SGCZ: variants seen among roughly 807,000 people sequenced by gnomAD.
SGCZ encodes the protein zeta-sarcoglycan.
SGCZ carries 40 observed loss-of-function variants against 41.3 expected under a neutral mutation model. The observed-to-expected ratio is 0.97, with a 90% CI of 0.75 to 1.26. The LOEUF is 1.26. Ranked by LOEUF, SGCZ falls within the 50% of genes most tolerant of loss-of-function variation. The pLI, the probability that SGCZ is intolerant of heterozygous loss-of-function variation, is 0.00. For missense variants in SGCZ, 552 were observed against 369.8 expected (o/e 1.49, Z -4.04); for synonymous variants, 206 against 137.5 (o/e 1.50, Z -3.49).
At chr8:14,684,492 G>T (rs1042550265) in intron 1 of SGCZ, among the ~76,000 whole-genome samples, 1 of 152,098 alleles carries the variant, frequency 6.6e-6, no homozygotes, top group Non-Finnish European at 1.5e-5. Context: ...GTAGTGAGTT[G>T]GCTCGTGCTC....
At chr8:14,501,115 T>C (rs1462144990) in intron 2 of SGCZ, among the ~76,000 whole-genome samples, 1 of 152,004 alleles carries the variant, frequency 6.6e-6, no homozygotes, top group Admixed American at 6.6e-5. Context: ...ATAGGTGACC[T>C]TGCCTTTTCC....
intron 1 of SGCZ, among the ~76,000 whole-genome samples, chr8:15,153,210 T>C (rs1799231962): frequency 6.6e-6 from 1 of 152,018 alleles, no homozygotes; most frequent in Admixed American, 6.6e-5. Flanking sequence ...CATCAGGGAT[T>C]AATTCTCTTG....
At chr8:14,755,840 G>A (rs1799647886) in intron 1 of SGCZ, among the ~76,000 whole-genome samples, 1 of 151,378 alleles carries the variant, frequency 6.6e-6, no homozygotes, top group East Asian at 2.0e-4. Context: ...GCCATATACA[G>A]GACATAGATA....
chr8:14,689,233 A>G (rs1808720573), intron 1 of SGCZ, among the ~76,000 whole-genome samples: 1 of 152,120 alleles, frequency 6.6e-6, no homozygotes, highest in African/African-American at 2.4e-5. Flanking sequence ...AAAAATCTAT[A>G]TAGCTTTTTT....
chr8:14,237,157 A>G (rs959757472), intron 4 of SGCZ, among the ~76,000 whole-genome samples: 1 of 152,118 alleles, frequency 6.6e-6, no homozygotes, highest in South Asian at 2.1e-4. Context: ...CTATGAAAAT[A>G]TTTCTTAGAA....
intron 1 of SGCZ, among the ~76,000 whole-genome samples, chr8:14,883,966 C>T (rs1804694475): frequency 6.6e-6 from 1 of 151,952 alleles, no homozygotes; most frequent in Admixed American, 6.6e-5. Context: ...TATCTCCTTA[C>T]TTATCATATA....
At chr8:14,478,328 A>C (rs1201931994) in intron 2 of SGCZ, among the ~76,000 whole-genome samples, 1 of 152,242 alleles carries the variant, frequency 6.6e-6, no homozygotes, top group Non-Finnish European at 1.5e-5. Context: ...ACACACTCAG[A>C]TAATGAAATA....
At chr8:15,050,317 T>A (rs1041435447) in intron 1 of SGCZ, among the ~76,000 whole-genome samples, 12 of 152,146 alleles carry the variant, frequency 7.9e-5, no homozygotes, top group African/African-American at 4.8e-5. Context: ...AACTTGTAGT[T>A]CAGAGGAGAG....
At chr8:14,525,627 T>G (rs991620682) in intron 2 of SGCZ, among the ~76,000 whole-genome samples, 1 of 152,096 alleles carries the variant, frequency 6.6e-6, no homozygotes, top group African/African-American at 2.4e-5. Flanking sequence ...CTTCTTGACC[T>G]AGTCACATCA....
At chr8:14,227,070 A>C (rs1001577189) in intron 4 of SGCZ, among the ~76,000 whole-genome samples, 3 of 152,070 alleles carry the variant, frequency 2.0e-5, no homozygotes, top group Admixed American at 2.0e-4. Context: ...TTAGGTGAGC[A>C]ATCAGCCCGC....
At chr8:14,266,627 T>C (rs1376345918) in intron 3 of SGCZ, among the ~76,000 whole-genome samples, 1 of 151,966 alleles carries the variant, frequency 6.6e-6, no homozygotes. Flanking sequence ...GATGTGAAAA[T>C]GTAGTGAAGA....
At chr8:14,102,858 T>C (rs922744797) in intron 6 of SGCZ, among the ~76,000 whole-genome samples, 15 of 152,156 alleles carry the variant, frequency 9.9e-5, no homozygotes, top group Non-Finnish European at 1.6e-4. Context: ...CTTACCAGTA[T>C]ATAACTTACT....
At chr8:14,919,694 G>C (rs961196478) in intron 1 of SGCZ, among the ~76,000 whole-genome samples, 1 of 152,154 alleles carries the variant, frequency 6.6e-6, no homozygotes, top group African/African-American at 2.4e-5. Flanking sequence ...GAGGCAGGCA[G>C]ATCACTTGAG....
chr8:14,111,329 A>T (rs532182849), intron 5 of SGCZ, among the ~76,000 whole-genome samples: 2 of 152,280 alleles, frequency 1.3e-5, no homozygotes, highest in South Asian at 4.1e-4. Context: ...TGGAAACCCT[A>T]ACAATTTGTC....
chr8:14,599,378 C>A (rs999755036), intron 1 of SGCZ, among the ~76,000 whole-genome samples: 1 of 152,174 alleles, frequency 6.6e-6, no homozygotes, highest in Non-Finnish European at 1.5e-5. Context: ...ACACTGAAAT[C>A]AAATTCTCTC....
chr8:14,122,085 T>G (rs966060635), intron 5 of SGCZ, among the ~76,000 whole-genome samples: 1 of 152,214 alleles, frequency 6.6e-6, no homozygotes. Context: ...GAGACCATCC[T>G]GCTAACATGG....
At chr8:15,027,212 T>C (rs1247819988) in intron 1 of SGCZ, among the ~76,000 whole-genome samples, 1 of 152,140 alleles carries the variant, frequency 6.6e-6, no homozygotes, top group African/African-American at 2.4e-5. Flanking sequence ...TCACAATATG[T>C]ACTGACATTT....
At chr8:14,917,976 GTTA>G (rs1306440121) in intron 1 of SGCZ, among the ~76,000 whole-genome samples, 1 of 152,170 alleles carries the variant, frequency 6.6e-6, no homozygotes, top group African/African-American at 2.4e-5. Context: ...TATTACACCT[GTTA>G]TTATTATTTT....
intron 2 of SGCZ, among the ~76,000 whole-genome samples, chr8:14,491,163 G>C (rs537818413): frequency 6.6e-6 from 1 of 152,200 alleles, no homozygotes; most frequent in Non-Finnish European, 1.5e-5. Flanking sequence ...CATGTCTTAT[G>C]AAGCAGGTAT....
Sources: gnomAD v4.1 joint callset for allele counts (sites outside exome capture counted in the v4.1 genomes callset) on GRCh38, gnomAD v4.1.1 for gene constraint, MANE v1.5 for transcripts, NCBI Gene and HGNC (gene_info 2026-07-23, HGNC 2026-07-21) for gene names.